AUTS2: variants seen among roughly 807,000 people sequenced by gnomAD.
The protein encoded by AUTS2 is autism susceptibility gene 2 protein.
Under a neutral mutation model 112.4 loss-of-function variants are expected in AUTS2, and 17 were observed. The ratio of observed to expected loss-of-function variants is 0.15; its 90% CI spans 0.10 to 0.23. The LOEUF (loss-of-function observed/expected upper bound fraction) is 0.23, where lower values mean the gene tolerates loss of function less well. AUTS2 is among the 10% of genes least tolerant of loss of function. AUTS2 has a pLI of 1.00. For missense variants in AUTS2, 1,510 were observed against 1,701.6 expected (o/e 0.89, Z 1.98); for synonymous variants, 751 against 702.7 (o/e 1.07, Z -1.09).
At chr7:70,095,943 A>T (rs746602465) in intron 2 of AUTS2, among the ~76,000 whole-genome samples, 1 of 152,208 alleles carries the variant, frequency 6.6e-6, no homozygotes, top group Non-Finnish European at 1.5e-5. Context: ...GTAGCATTCA[A>T]GAAGAGCATT....
chr7:69,730,480 G>A (rs1434962453), intron 1 of AUTS2, among the ~76,000 whole-genome samples: 2 of 152,014 alleles, frequency 1.3e-5, no homozygotes, highest in African/African-American at 4.8e-5. Flanking sequence ...CTCCTTACCT[G>A]CTGTGCTATG....
chr7:70,725,022 C>G (rs4717546), intron 6 of AUTS2, among the ~76,000 whole-genome samples: 34,935 of 152,078 alleles, frequency 0.23, 4,862 homozygotes, highest in East Asian at 0.58. Flanking sequence ...GAGGGAGAAC[C>G]TGTGTCTTAG....
chr7:70,659,038 G>C (rs1806925268), intron 5 of AUTS2, among the ~76,000 whole-genome samples: 1 of 152,156 alleles, frequency 6.6e-6, no homozygotes, highest in Non-Finnish European at 1.5e-5. Flanking sequence ...ATCTAAACTG[G>C]TTTTCCAGTC....
chr7:70,624,730 A>G (rs896087413), intron 5 of AUTS2, among the ~76,000 whole-genome samples: 1 of 152,220 alleles, frequency 6.6e-6, no homozygotes, highest in African/African-American at 2.4e-5. Flanking sequence ...GGAAGGCATT[A>G]CAGAATAAAC....
chr7:69,692,242 C>T (rs945253614), intron 1 of AUTS2, among the ~76,000 whole-genome samples: 37 of 152,220 alleles, frequency 2.4e-4, no homozygotes, highest in African/African-American at 7.9e-4. Flanking sequence ...TGGTTGGCAA[C>T]GAAGACTGGA....
intron 5 of AUTS2, among the ~76,000 whole-genome samples, chr7:70,678,021 G>A (rs1384122986): frequency 6.6e-6 from 1 of 152,102 alleles, no homozygotes; most frequent in Non-Finnish European, 1.5e-5. Flanking sequence ...GGCGGAGCTT[G>A]CAGTGAGCCG....
At chr7:70,754,936 T>C (rs1301290395) in intron 6 of AUTS2, among the ~76,000 whole-genome samples, 1 of 151,898 alleles carries the variant, frequency 6.6e-6, no homozygotes, top group Non-Finnish European at 1.5e-5. Context: ...GGAGACTTCG[T>C]AACAGAATAT....
intron 2 of AUTS2, among the ~76,000 whole-genome samples, chr7:69,906,771 A>C (rs977821208): frequency 6.6e-6 from 1 of 152,196 alleles, no homozygotes; most frequent in African/African-American, 2.4e-5. Flanking sequence ...ATGTATATAC[A>C]TAGGCAGAGT....
chr7:70,719,184 G>A (rs902138951), intron 6 of AUTS2, among the ~76,000 whole-genome samples: 6 of 152,248 alleles, frequency 3.9e-5, no homozygotes, highest in Admixed American at 1.3e-4. Context: ...TACACACCTA[G>A]TTACGTCCTC....
chr7:70,703,475 A>T (rs886770545), intron 6 of AUTS2, among the ~76,000 whole-genome samples: 1 of 124,068 alleles, frequency 8.1e-6, no homozygotes, highest in African/African-American at 3.2e-5. Flanking sequence ...TGGGCGACAG[A>T]GTGAGACACC....
chr7:70,415,673 A>G (rs927531579), intron 4 of AUTS2, among the ~76,000 whole-genome samples: 4 of 152,112 alleles, frequency 2.6e-5, no homozygotes, highest in Non-Finnish European at 4.4e-5. Flanking sequence ...AGCAACCCCA[A>G]CATCTCTGCC....
At chr7:70,553,407 G>A (rs1801096269) in intron 5 of AUTS2, among the ~76,000 whole-genome samples, 1 of 152,188 alleles carries the variant, frequency 6.6e-6, no homozygotes, top group South Asian at 2.1e-4. Context: ...GCACCTGGAA[G>A]GACAAAGACA....
chr7:69,666,832 A>G (rs1796070178), intron 1 of AUTS2, among the ~76,000 whole-genome samples: 1 of 152,064 alleles, frequency 6.6e-6, no homozygotes, highest in Non-Finnish European at 1.5e-5. Flanking sequence ...AGCCCAGCAT[A>G]TTGAGGCTGC....
chr7:70,726,590 A>T (rs1787046087), intron 6 of AUTS2, among the ~76,000 whole-genome samples: 1 of 152,238 alleles, frequency 6.6e-6, no homozygotes, highest in Admixed American at 6.5e-5. Context: ...AAAATACCAC[A>T]GTACAAGTGG....
chr7:69,699,381 A>G (rs1797701421), intron 1 of AUTS2, among the ~76,000 whole-genome samples: 1 of 151,952 alleles, frequency 6.6e-6, no homozygotes, highest in Non-Finnish European at 1.5e-5. Flanking sequence ...GTACTCTCCT[A>G]TTTGTGTATG....
chr7:70,361,075 G>C (rs1024009325), intron 4 of AUTS2, among the ~76,000 whole-genome samples: 1 of 152,160 alleles, frequency 6.6e-6, no homozygotes, highest in African/African-American at 2.4e-5. Flanking sequence ...GCCAGGCGCG[G>C]TGGCTCACGC....
chr7:70,755,911 G>A (rs79301099), intron 6 of AUTS2, among the ~76,000 whole-genome samples: 2 of 151,706 alleles, frequency 1.3e-5, no homozygotes, highest in African/African-American at 2.4e-5. Flanking sequence ...ATTATTTGCT[G>A]TGTTTAATAA....
chr7:69,909,423 A>G (rs1277448231), intron 2 of AUTS2, among the ~76,000 whole-genome samples: 1 of 152,122 alleles, frequency 6.6e-6, no homozygotes, highest in Non-Finnish European at 1.5e-5. Flanking sequence ...ATTTTTTTAA[A>G]GTTCTAATTT....
rs536672458 is a variant in AUTS2, at chr7:70,155,969, G to GGTTTT, written c.660+21419_660+21423dup. On this transcript the variant is annotated intron_variant, in intron 4 of 18. Coordinates refer to ENST00000342771, the MANE Select transcript of AUTS2 (RefSeq NM_015570.4). The stretch of plus-strand genomic sequence containing the variant: ...GAAAGGACATCTGAAGGATCCTGTT[G>GGTTTT]GTTTTGTTTTGTTTTGTTTTGTTTT... 1.9e-3 allele frequency among the ~76,000 whole-genome samples: 296 copies of GGTTTT among 152,208 alleles called. 3 individuals carry two copies. The highest frequency in any genetic ancestry group is 3.0e-3 in the Non-Finnish European group (204 of 68,004).
Sources: gnomAD v4.1 joint callset for allele counts (sites outside exome capture counted in the v4.1 genomes callset) on GRCh38, gnomAD v4.1.1 for gene constraint, MANE v1.5 for transcripts, NCBI Gene and HGNC (gene_info 2026-07-23, HGNC 2026-07-21) for gene names.